Variants in MTUS1 observed in about 807,000 individuals in gnomAD.
The protein encoded by MTUS1 is microtubule associated scaffold protein 1.
In MTUS1, 109 loss-of-function variants were observed where a neutral mutation model predicts 120.8. That is an observed-to-expected ratio of 0.90 (90% CI 0.77 to 1.06). MTUS1 has a LOEUF of 1.06. MTUS1 is among the 50% of genes least tolerant of loss of function. The pLI is 0.00. For synonymous variants in MTUS1, 737 were observed against 550.5 expected, an observed-to-expected ratio of 1.34 and a Z score of -4.74; for missense variants, 2,210 against 1,486.3, an observed-to-expected ratio of 1.49 and a Z score of -8.01.
intron 8 of MTUS1, chr8:17,674,860 T>C: frequency 8.8e-7 from 1 of 1,136,988 alleles, no homozygotes; most frequent in Non-Finnish European, 1.1e-6. Flanking sequence ...TGAAAAGTGC[T>C]TCAGAAAAAA....
At chr8:17,726,894 A>G (rs547368869) in intron 3 of MTUS1, among the ~76,000 whole-genome samples, 1 of 152,302 alleles carries the variant, frequency 6.6e-6, no homozygotes, top group African/African-American at 2.4e-5. Flanking sequence ...GGCTTCCTAC[A>G]TTTTGGAAAT....
chr8:17,763,539 A>G (rs895481513), intron 1 of MTUS1, among the ~76,000 whole-genome samples: 1 of 152,164 alleles, frequency 6.6e-6, no homozygotes, highest in Non-Finnish European at 1.5e-5. Context: ...TTGTAAATTT[A>G]GTGAGAATTA....
intron 1 of MTUS1, among the ~76,000 whole-genome samples, chr8:17,786,589 A>G (rs189850531): frequency 1.1e-3 from 170 of 152,276 alleles, no homozygotes; most frequent in Non-Finnish European, 7.5e-4. Flanking sequence ...TTGCCACATT[A>G]TATGTTCTCT....
intron 8 of MTUS1, among the ~76,000 whole-genome samples, chr8:17,671,745 T>C (rs749294569): frequency 4.6e-5 from 7 of 152,158 alleles, no homozygotes; most frequent in Non-Finnish European, 8.8e-5. Context: ...TTGTCTCAAC[T>C]TTCATTGAGA....
At chr8:17,660,137 C>T (rs1809357532) in intron 8 of MTUS1, among the ~76,000 whole-genome samples, 1 of 152,130 alleles carries the variant, frequency 6.6e-6, no homozygotes, top group African/African-American at 2.4e-5. Flanking sequence ...TTTTGGGAGG[C>T]CAAGGCAAGC....
intron 6 of MTUS1, chr8:17,693,388 C>T (rs1180306058): frequency 6.6e-6 from 1 of 152,120 alleles, no homozygotes; most frequent in Non-Finnish European, 1.5e-5. Context: ...AAGATAACCT[C>T]GATCCAACAA....
chr8:17,739,516 T>TAAA (rs2047164298), intron 3 of MTUS1, among the ~76,000 whole-genome samples: 3 of 151,832 alleles, frequency 2.0e-5, no homozygotes, highest in Admixed American at 2.0e-4. Context: ...AATAAATAAA[T>TAAA]TAATAAATCA....
intron 8 of MTUS1, among the ~76,000 whole-genome samples, chr8:17,661,066 C>T (rs1011966363): frequency 2.0e-5 from 3 of 152,142 alleles, no homozygotes; most frequent in African/African-American, 7.2e-5. Flanking sequence ...TTCACTTTTC[C>T]TTCTATTACA....
intron 6 of MTUS1, chr8:17,697,687 G>C (rs1563221661): frequency 1.1e-5 from 11 of 1,027,090 alleles, no homozygotes; most frequent in Non-Finnish European, 1.3e-5. Context: ...TTGTGGAGTT[G>C]TTATGGTTTT....
intron 2 of MTUS1, among the ~76,000 whole-genome samples, chr8:17,749,057 T>C (rs1400589762): frequency 1.3e-5 from 2 of 152,096 alleles, no homozygotes; most frequent in South Asian, 2.1e-4. Context: ...GCCAAGGGCA[T>C]TCCAAGGTTA....
At chr8:17,672,254 C>T (rs906765173) in intron 8 of MTUS1, among the ~76,000 whole-genome samples, 14 of 152,338 alleles carry the variant, frequency 9.2e-5, no homozygotes, top group African/African-American at 3.4e-4. Flanking sequence ...CATCCTAATA[C>T]CTATTATTTA....
chr8:17,658,816 T>C (rs896841773), intron 8 of MTUS1, among the ~76,000 whole-genome samples: 1 of 152,060 alleles, frequency 6.6e-6, no homozygotes, highest in Non-Finnish European at 1.5e-5. Context: ...CATGTGGTGG[T>C]AGAAATACCC....
chr8:17,659,462 C>T (rs1009947359), intron 8 of MTUS1, among the ~76,000 whole-genome samples: 3 of 152,134 alleles, frequency 2.0e-5, no homozygotes, highest in Non-Finnish European at 4.4e-5. Flanking sequence ...TTTGGAAGGC[C>T]GAAGCGTGCA....
In MTUS1 at chr8:17,754,806, G is replaced by A; in HGVS notation, c.1002C>T (p.Gly334=). The A allele has an allele frequency of 6.2e-7, 1 of 1,614,192 alleles. No homozygotes were observed. The highest frequency in any genetic ancestry group is 8.5e-7 in the Non-Finnish European group (1 of 1,180,032). Residue 334 remains glycine, a synonymous_variant, in exon 2 of 15, where the codon GGC becomes GGT. Coordinates refer to ENST00000693296, the MANE Select transcript of MTUS1 (RefSeq NM_001363059.2). ...AGGACACTGTCTCTCTCAGATTTTG[G>A]CCCATTTCCTTGTGCCTGTATGAGC... is the stretch of plus-strand genomic sequence containing the variant. The part of the protein sequence containing the change: ...SQSSYRHKEM[G]QNLRETVSYC...
intron 4 of MTUS1, among the ~76,000 whole-genome samples, chr8:17,720,311 C>G (rs574921644): frequency 6.6e-6 from 1 of 151,382 alleles, no homozygotes; most frequent in Non-Finnish European, 1.5e-5. Context: ...TGCCACTGCA[C>G]TCCAGCCTGG....
At chr8:17,668,970 C>G (rs1181511736) in intron 8 of MTUS1, among the ~76,000 whole-genome samples, 2 of 152,212 alleles carry the variant, frequency 1.3e-5, no homozygotes, top group Non-Finnish European at 2.9e-5. Flanking sequence ...AAGAAGAAAA[C>G]TACCTTTCCC....
chr8:17,687,394 T>A (rs571821060), intron 6 of MTUS1, among the ~76,000 whole-genome samples: 1 of 152,300 alleles, frequency 6.6e-6, no homozygotes, highest in Non-Finnish European at 1.5e-5. Context: ...TACTTCACAG[T>A]ACTGAAAAGC....
intron 3 of MTUS1, among the ~76,000 whole-genome samples, chr8:17,733,478 G>A (rs1312889846): frequency 6.6e-6 from 1 of 152,106 alleles, no homozygotes; most frequent in East Asian, 1.9e-4. Context: ...GCTATTTGGT[G>A]GTGGTAAGAT....
At chr8:17,736,370 C>T (rs1040015210) in intron 3 of MTUS1, among the ~76,000 whole-genome samples, 13 of 152,142 alleles carry the variant, frequency 8.5e-5, no homozygotes, top group African/African-American at 3.1e-4. Context: ...GTGCGTGGTT[C>T]ACTGTTCCTC....
Sources: allele counts gnomAD v4.1 joint callset (sites outside exome capture counted in the v4.1 genomes callset), GRCh38; gene constraint gnomAD v4.1.1; transcripts MANE v1.5; gene names NCBI Gene and HGNC (gene_info 2026-07-23, HGNC 2026-07-21).